MACROD2: variants seen among roughly 807,000 people sequenced by gnomAD.
MACROD2 encodes the protein ADP-ribose glycohydrolase MACROD2.
MACROD2 carries 36 observed loss-of-function variants against 70.4 expected under a neutral mutation model. The observed-to-expected ratio is 0.51, with a 90% CI of 0.39 to 0.68. The LOEUF is 0.68. Ranked by LOEUF, MACROD2 falls within the 30% of genes least tolerant of loss-of-function variation. The pLI, the probability that MACROD2 is intolerant of heterozygous loss-of-function variation, is 0.00. For synonymous variants in MACROD2, 172 were observed against 178.8 expected (o/e 0.96, Z 0.30); for missense variants, 496 against 538.4 (o/e 0.92, Z 0.78).
At chr20:14,018,593 A>G (rs2053025218) in intron 2 of MACROD2, among the ~76,000 whole-genome samples, 1 of 151,964 alleles carries the variant, frequency 6.6e-6, no homozygotes, top group African/African-American at 2.4e-5. Flanking sequence ...TTTCAGCTAA[A>G]TTCTGCTTTT....
chr20:15,857,129 A>G (rs570991233), intron 8 of MACROD2, among the ~76,000 whole-genome samples: 7 of 152,298 alleles, frequency 4.6e-5, no homozygotes, highest in African/African-American at 1.7e-4. Context: ...ATCTTATACA[A>G]TTGTGGGAGA....
chr20:14,999,763 G>T (rs1209130751), intron 5 of MACROD2, among the ~76,000 whole-genome samples: 2 of 152,210 alleles, frequency 1.3e-5, no homozygotes, highest in Non-Finnish European at 2.9e-5. Context: ...GTGTTAAGTT[G>T]TCATCAATCT....
intron 8 of MACROD2, among the ~76,000 whole-genome samples, chr20:15,822,733 T>A (rs1211658584): frequency 6.6e-6 from 1 of 152,096 alleles, no homozygotes; most frequent in African/African-American, 2.4e-5. Flanking sequence ...TCCATCAATA[T>A]CACATGGAAT....
intron 4 of MACROD2, among the ~76,000 whole-genome samples, chr20:14,620,226 T>C (rs574117067): frequency 6.6e-6 from 1 of 152,140 alleles, no homozygotes; most frequent in South Asian, 2.1e-4. Flanking sequence ...AGCTTCAAAA[T>C]CTAGCGTGCA....
chr20:14,344,861 A>G (rs1439243170), intron 3 of MACROD2, among the ~76,000 whole-genome samples: 1 of 152,234 alleles, frequency 6.6e-6, no homozygotes, highest in Non-Finnish European at 1.5e-5. Context: ...AGCAACACAC[A>G]ACTGTTTGAG....
chr20:14,819,655 T>C (rs2072817348), intron 5 of MACROD2, among the ~76,000 whole-genome samples: 1 of 152,020 alleles, frequency 6.6e-6, no homozygotes, highest in African/African-American at 2.4e-5. Context: ...GAAGACCTCA[T>C]TGATTTTAGG....
chr20:14,150,089 C>G (rs1210842253), intron 3 of MACROD2, among the ~76,000 whole-genome samples: 2 of 152,030 alleles, frequency 1.3e-5, no homozygotes, highest in Admixed American at 1.3e-4. Context: ...ATCCCTTCTT[C>G]TACCTCTTCC....
At chr20:15,556,789 C>T (rs2048174410) in intron 8 of MACROD2, among the ~76,000 whole-genome samples, 1 of 152,156 alleles carries the variant, frequency 6.6e-6, no homozygotes, top group South Asian at 2.1e-4. Flanking sequence ...GGTCAATGGA[C>T]CCTCACTGTG....
intron 3 of MACROD2, among the ~76,000 whole-genome samples, chr20:14,402,405 TGCTCTAAATATTCTA>T (rs1312510653): frequency 1.3e-5 from 2 of 152,196 alleles, no homozygotes; most frequent in East Asian, 1.9e-4. Flanking sequence ...ATAAACACAT[TGCTCTAAATATTCTA>T]GCTTGGGTTT....
chr20:14,945,716 T>C (rs353146), intron 5 of MACROD2, among the ~76,000 whole-genome samples: 96,911 of 151,512 alleles, frequency 0.64, 31,446 homozygotes, highest in South Asian at 0.75. Flanking sequence ...AAAGCAAGCA[T>C]GTGACTGTCC....
At chr20:14,230,695 A>G (rs1472451884) in intron 3 of MACROD2, among the ~76,000 whole-genome samples, 2 of 100,954 alleles carry the variant, frequency 2.0e-5, no homozygotes, top group South Asian at 3.4e-4. Flanking sequence ...ATATATATAT[A>G]TATATGGGCC....
chr20:15,488,728 C>A (rs945981724), intron 7 of MACROD2, among the ~76,000 whole-genome samples: 5 of 152,152 alleles, frequency 3.3e-5, no homozygotes, highest in Non-Finnish European at 5.9e-5. Context: ...CAATATACGC[C>A]TTTTCTATTC....
chr20:14,580,873 A>T (rs1568682215), intron 4 of MACROD2, among the ~76,000 whole-genome samples: 1 of 152,194 alleles, frequency 6.6e-6, no homozygotes, highest in Non-Finnish European at 1.5e-5. Flanking sequence ...ATCCAGTAGC[A>T]GATTGCTTCA....
chr20:14,465,469 T>C (rs1490063752), intron 3 of MACROD2, among the ~76,000 whole-genome samples: 1 of 152,152 alleles, frequency 6.6e-6, no homozygotes. Flanking sequence ...AGCACACTGA[T>C]GGGTCTTGAC....
At chr20:14,371,783 G>T (rs976996996) in intron 3 of MACROD2, among the ~76,000 whole-genome samples, 1 of 151,954 alleles carries the variant, frequency 6.6e-6, no homozygotes, top group Non-Finnish European at 1.5e-5. Flanking sequence ...AAAGCCATTT[G>T]TGCCTAGGTT....
intron 3 of MACROD2, among the ~76,000 whole-genome samples, chr20:14,359,851 G>A (rs2083205356): frequency 1.3e-5 from 2 of 152,002 alleles, no homozygotes; most frequent in African/African-American, 4.8e-5. Context: ...GACAGAGTGA[G>A]ACCCTGTCTC....
intron 3 of MACROD2, among the ~76,000 whole-genome samples, chr20:14,492,358 T>C (rs1354168946): frequency 6.6e-6 from 1 of 152,200 alleles, no homozygotes; most frequent in East Asian, 1.9e-4. Context: ...TTTGACACTC[T>C]TAATATTGAC....
intron 6 of MACROD2, among the ~76,000 whole-genome samples, chr20:15,236,093 C>T (rs778097239): frequency 3.9e-5 from 6 of 152,178 alleles, no homozygotes; most frequent in Non-Finnish European, 7.4e-5. Context: ...GCAGTGTATT[C>T]CTATACATCA....
intron 3 of MACROD2, among the ~76,000 whole-genome samples, chr20:14,427,011 C>G (rs772019078): frequency 6.6e-6 from 1 of 152,090 alleles, no homozygotes; most frequent in Non-Finnish European, 1.5e-5. Flanking sequence ...TCACCCTTAT[C>G]TTTGAAGTAC....
Sources: allele counts gnomAD v4.1 joint callset (sites outside exome capture counted in the v4.1 genomes callset), GRCh38; gene constraint gnomAD v4.1.1; transcripts MANE v1.5; gene names NCBI Gene and HGNC (gene_info 2026-07-23, HGNC 2026-07-21).